Variants in ABCC5 observed in about 807,000 individuals in gnomAD.
ABCC5 encodes the protein ATP binding cassette subfamily C member 5.
A neutral mutation model predicts 160.9 loss-of-function variants in ABCC5; 61 were observed. That is an observed-to-expected ratio of 0.38 (90% CI 0.31 to 0.47). The LOEUF (loss-of-function observed/expected upper bound fraction) is 0.47. Ranked by LOEUF, ABCC5 falls within the 20% of genes least tolerant of loss-of-function variation. ABCC5 has a pLI of 0.99. For synonymous variants in ABCC5, 666 were observed against 700.6 expected, an observed-to-expected ratio of 0.95 and a Z score of 0.78; for missense variants, 1,308 against 1,813.3, an observed-to-expected ratio of 0.72 and a Z score of 5.06.
intron 26 of ABCC5, among the ~76,000 whole-genome samples, chr3:183,936,902 T>C (rs1277636985): frequency 2.0e-5 from 3 of 152,160 alleles, no homozygotes; most frequent in African/African-American, 7.2e-5. Context: ...CAGGTAAGCT[T>C]AGGAAAGATA....
chr3:183,930,205 A>C (rs1404806609), intron 26 of ABCC5, among the ~76,000 whole-genome samples: 1 of 152,242 alleles, frequency 6.6e-6, no homozygotes, highest in Non-Finnish European at 1.5e-5. Flanking sequence ...TACTAATTAC[A>C]GGCATGCAAA....
Position 184,014,346 on chromosome 3 carries a change from C to A in ABCC5, c.47G>T (p.Gly16Val). Reference sequence around the variant, plus strand: ...GGTTCTCTCCCTCACACTTCTATACCCAGGACTGGGGATGATATACTCTTT... The same window carrying A: ...GGTTCTCTCCCTCACACTTCTATACACAGGACTGGGGATGATATACTCTTT... ...IGKEYIIPSP[G>V]YRSVRERTST... The change falls in exon 2 of 30, where the codon GGG (glycine) becomes GTG (valine). Residue 16 changes from glycine (G) to valine (V), a missense_variant. Gly to Val is a moderately radical substitution (Grantham distance 109). Coordinates refer to ENST00000334444, the MANE Select transcript of ABCC5 (RefSeq NM_005688.4). The A allele has an allele frequency of 6.2e-7, 1 of 1,613,784 alleles. No individual in the cohort carries two copies. The highest frequency in any genetic ancestry group is 8.5e-7 in the Non-Finnish European group (1 of 1,179,890).
intron 25 of ABCC5, among the ~76,000 whole-genome samples, chr3:183,941,624 T>C (rs945006997): frequency 6.6e-6 from 1 of 151,756 alleles, no homozygotes; most frequent in African/African-American, 2.4e-5. Flanking sequence ...ATACCTCTTA[T>C]ACAAGGATAA....
intron 2 of ABCC5, among the ~76,000 whole-genome samples, chr3:183,998,659 G>A (rs1021647977): frequency 1.3e-5 from 2 of 148,290 alleles, no homozygotes; most frequent in African/African-American, 5.1e-5. Context: ...TGATCACTAT[G>A]CTATGGGCCT....
rs1719358570 is a variant in ABCC5, at chr3:183,987,799, T to C, written c.562A>G (p.Ile188Val). 1 of 1,614,022 alleles carries C rather than the reference T, an allele frequency of 6.2e-7. No individual in the cohort carries two copies. The highest frequency in any genetic ancestry group is 1.3e-5 in the African/African-American group (1 of 74,914). Reference sequence around the variant, plus strand: ...CCACTGAAGCCAGCCAGCTGCGTGATCATCAGGCACACGATGGACAGGATG... The same window carrying C: ...CCACTGAAGCCAGCCAGCTGCGTGACCATCAGGCACACGATGGACAGGATG... ...RLILSIVCLM[I>V]TQLAGFSGPA... Residue 188 changes from isoleucine (I) to valine (V), a missense_variant, in exon 5 of 30, where the codon ATC becomes GTC. By Grantham distance (29) the Ile-to-Val change is conservative. Transcript: ENST00000334444. The surrounding 1 kb of genome is among the most constrained non-coding windows in gnomAD (Gnocchi z 4.2).
At chr3:184,001,236 G>T in intron 2 of ABCC5, 1 of 538,082 alleles carries the variant, frequency 1.9e-6, no homozygotes, top group South Asian at 2.8e-5. Context: ...CTGGGTGACA[G>T]AGTGAGACTC....
chr3:183,950,145 A>G lies in ABCC5; in HGVS notation c.2945-20T>C, dbSNP rs1335047715. 1 of 1,597,876 alleles carries G rather than the reference A, an allele frequency of 6.3e-7. No homozygotes were observed. Among genetic ancestry groups the G allele is most frequent in the Admixed American group, 1.8e-5 (1 of 55,988 alleles). On this transcript the variant is annotated intron_variant, in intron 20 of 29. Coordinates refer to ENST00000334444, the MANE Select transcript of ABCC5 (RefSeq NM_005688.4). ...CGTCAACTGTGGAAACAAATAAAGG[A>G]GCAAGTGTCAGATGGTTTGGAAAAA... is the stretch of plus-strand genomic sequence containing the variant.
At chr3:184,010,778 A>C (rs1395952498) in intron 2 of ABCC5, 2 of 151,620 alleles carry the variant, frequency 1.3e-5, no homozygotes, top group African/African-American at 4.9e-5. Flanking sequence ...AACATCTTCA[A>C]AATCAAAATC....
At chr3:183,925,771 T>G in intron 28 of ABCC5, 52 bp from the exon 29 acceptor site, 1 of 1,563,600 alleles carries the variant, frequency 6.4e-7, no homozygotes, top group Non-Finnish European at 8.7e-7. Flanking sequence ...TTTAGCATTC[T>G]GGTTAATCTA....
At position 183,953,230 on chromosome 3, in the gene ABCC5, C is replaced by G; in HGVS notation, c.2523G>C (p.Val841=). The G allele has an allele frequency of 2.5e-6, 4 of 1,613,732 alleles. No homozygotes were observed. The highest frequency in any genetic ancestry group is 3.4e-6 in the Non-Finnish European group (4 of 1,179,768). Residue 841 remains valine, a synonymous_variant, in exon 18 of 30, where the codon GTG becomes GTC. Transcript: ENST00000334444. ...TGTAGACACCATATACTGACCAGGGCACTGAACCCTGCCCTTTCTCTTCCA... is the reference window on the plus strand; with the variant it reads ...TGTAGACACCATATACTGACCAGGGGACTGAACCCTGCCCTTTCTCTTCCA... ...VQLEEKGQGS[V]PWSVYGVYIQ...
chr3:183,991,809 T>C (rs992591804), intron 2 of ABCC5, among the ~76,000 whole-genome samples: 2 of 152,164 alleles, frequency 1.3e-5, no homozygotes, highest in Non-Finnish European at 2.9e-5. Context: ...TTTAAGTACA[T>C]TACAAAGGTT....
intron 18 of ABCC5, 141 bp from the exon 19 acceptor site, chr3:183,952,144 C>CA: frequency 5.4e-6 from 2 of 373,056 alleles, no homozygotes; most frequent in Non-Finnish European, 9.0e-6. Flanking sequence ...TTGTCCACCT[C>CA]TTTTTTTTTT....
chr3:183,976,763 T>C (rs1014864013), intron 10 of ABCC5, among the ~76,000 whole-genome samples: 8 of 152,178 alleles, frequency 5.3e-5, no homozygotes, highest in Non-Finnish European at 1.0e-4. Flanking sequence ...TTCCTCTCAC[T>C]GGCCAATAAA....
At position 183,925,600 on chromosome 3, in the gene ABCC5, G is replaced by A. The variant is rs752600169; in HGVS notation, c.4167C>T (p.His1389=). ...TAATCCTATCGGAGCCTAGAACCGTGTGCAGGCGATGGGCAATGGTCAGCA... is the reference window on the plus strand; with the variant it reads ...TAATCCTATCGGAGCCTAGAACCGTATGCAGGCGATGGGCAATGGTCAGCA... ...CTMLTIAHRL[H]TVLGSDRIMV... Residue 1389 remains histidine, a synonymous_variant, in exon 29 of 30, where the codon CAC becomes CAT. Coordinates refer to ENST00000334444, the MANE Select transcript of ABCC5 (RefSeq NM_005688.4). 4.0e-5 allele frequency: 64 copies of A among 1,613,882 alleles called. No homozygotes were observed. The highest frequency in any genetic ancestry group is 5.3e-5 in the Non-Finnish European group (62 of 1,179,998).
rs549140282 is a variant in ABCC5 at position 183,965,528 on chromosome 3, C to T, written c.1834-27G>A. On this transcript the variant is annotated intron_variant, in intron 12 of 29. Transcript: ENST00000334444. ...TAGGGAGAGAGACACCATCCAATGG[C>T]ATCATAACTCAAAACCATCACCCTA... 5.0e-6 allele frequency: 8 copies of T among 1,612,908 alleles called. No homozygotes were observed. In the South Asian group the frequency reaches 6.6e-5, roughly 13 times the overall value.
At chr3:183,978,748 ACC>A in intron 8 of ABCC5, 97 bp from the exon 9 acceptor site, 1 of 1,313,488 alleles carries the variant, frequency 7.6e-7, no homozygotes, top group Non-Finnish European at 1.0e-6. Context: ...GTCTCCAGCC[ACC>A]CTTCAACACC....
chr3:183,970,599 G>A (rs968580114), intron 11 of ABCC5, among the ~76,000 whole-genome samples: 1 of 151,926 alleles, frequency 6.6e-6, no homozygotes, highest in Non-Finnish European at 1.5e-5. Context: ...CGTACAGCTG[G>A]CTAATTTTCC....
At chr3:183,922,798 G>C (rs890336449) in intron 29 of ABCC5, among the ~76,000 whole-genome samples, 2 of 143,794 alleles carry the variant, frequency 1.4e-5, no homozygotes, top group Admixed American at 7.2e-5. Flanking sequence ...CTGCTCAGTG[G>C]ACAGGCCACA....
At chr3:184,009,557 T>G (rs1721520884) in intron 2 of ABCC5, among the ~76,000 whole-genome samples, 1 of 152,222 alleles carries the variant, frequency 6.6e-6, no homozygotes. Context: ...GTTGCTTCTG[T>G]CAGCAAACTT....
Sources: allele counts gnomAD v4.1 joint callset (sites outside exome capture counted in the v4.1 genomes callset), GRCh38; gene constraint gnomAD v4.1.1; non-coding constraint Gnocchi (gnomAD v3.1); transcripts MANE v1.5; gene names NCBI Gene and HGNC (gene_info 2026-07-23, HGNC 2026-07-21).